The following TMCC1 variants were observed in gnomAD, a reference collection of about 807,000 sequenced individuals.
The protein encoded by TMCC1 is transmembrane and coiled-coil domains protein 1.
Under a neutral mutation model 52.4 loss-of-function variants are expected in TMCC1, and 15 were observed. The observed-to-expected ratio is 0.29, with a 90% CI of 0.19 to 0.44. TMCC1 has a LOEUF of 0.44. Among genes scored for constraint, TMCC1 ranks in the 20% least tolerant of loss-of-function variants. The pLI, the probability that TMCC1 is intolerant of heterozygous loss-of-function variation, is 1.00. For missense variants in TMCC1, 503 were observed against 806.0 expected, an observed-to-expected ratio of 0.62 and a Z score of 4.55; for synonymous variants, 279 against 301.9, an observed-to-expected ratio of 0.92 and a Z score of 0.79.
intron 4 of TMCC1, among the ~76,000 whole-genome samples, chr3:129,745,901 T>C (rs1349924115): frequency 6.7e-6 from 1 of 149,586 alleles, no homozygotes; most frequent in Non-Finnish European, 1.5e-5. Context: ...GGCAACACAG[T>C]GAGACTCTCC....
chr3:129,736,319 T>C (rs536254979), intron 4 of TMCC1, among the ~76,000 whole-genome samples: 1 of 152,344 alleles, frequency 6.6e-6, no homozygotes, highest in African/African-American at 2.4e-5. Context: ...CCTGCCAGAA[T>C]GCTACACTGT....
At chr3:129,840,803 G>A (rs1273572191) in intron 2 of TMCC1, among the ~76,000 whole-genome samples, 1 of 152,204 alleles carries the variant, frequency 6.6e-6, no homozygotes, top group African/African-American at 2.4e-5. Flanking sequence ...GTGGGGCTGA[G>A]AGTCAAATTA....
chr3:129,833,364 A>C (rs2059008413), intron 2 of TMCC1, among the ~76,000 whole-genome samples: 1 of 152,034 alleles, frequency 6.6e-6, no homozygotes, highest in Non-Finnish European at 1.5e-5. Flanking sequence ...TGAGCCCAGG[A>C]ATTTGAGATC....
rs2061405882 is a variant in TMCC1 at position 129,880,352 on chromosome 3, G to A, written c.-227C>T. ...ATAGCTTCCCTTTCTTTGCATAGGT[G>A]AGGATGAACAGTTGTAATCCAAAAG... On this transcript the variant is annotated 5_prime_UTR_variant, in exon 2 of 7. Coordinates refer to ENST00000393238, the MANE Select transcript of TMCC1 (RefSeq NM_001017395.5). 6.6e-6 allele frequency: 1 copy of A among 152,156 alleles called. No individual in the cohort carries two copies. The highest frequency in any genetic ancestry group is 2.4e-5 in the African/African-American group (1 of 41,440). The allele number at this position is 152,156 out of a possible 1,614,324, so 9.4% of individuals were successfully genotyped here.
At chr3:129,730,283 A>G (rs2050437752) in intron 4 of TMCC1, among the ~76,000 whole-genome samples, 2 of 152,118 alleles carry the variant, frequency 1.3e-5, no homozygotes, top group Admixed American at 1.3e-4. Context: ...TGTTGTTCTA[A>G]AAGTTTCATA....
intron 3 of TMCC1, among the ~76,000 whole-genome samples, chr3:129,832,076 C>T (rs1385792161): frequency 1.3e-5 from 2 of 151,994 alleles, no homozygotes; most frequent in Non-Finnish European, 2.9e-5. Flanking sequence ...AGGCTGGTCT[C>T]GAACTCCTGA....
intron 4 of TMCC1, among the ~76,000 whole-genome samples, chr3:129,770,202 G>C (rs530124657): frequency 2.6e-4 from 40 of 152,176 alleles, no homozygotes; most frequent in African/African-American, 9.6e-4. Flanking sequence ...CTAACTATAC[G>C]TATTTATTGA....
intron 1 of TMCC1, chr3:129,893,152 G>C (rs1007851354): frequency 6.6e-6 from 1 of 152,246 alleles, no homozygotes; most frequent in East Asian, 1.9e-4. Flanking sequence ...CTCGGGCCTC[G>C]GCCCGACTTC....
chr3:129,702,322 A>G (rs1004783380), intron 4 of TMCC1, among the ~76,000 whole-genome samples: 6 of 152,010 alleles, frequency 3.9e-5, no homozygotes, highest in African/African-American at 1.4e-4. Context: ...TATGAGAAAG[A>G]AAAAAAGAAT....
chr3:129,823,513 G>C (rs1469001273), intron 4 of TMCC1, among the ~76,000 whole-genome samples: 1 of 152,020 alleles, frequency 6.6e-6, no homozygotes, highest in Admixed American at 6.6e-5. Flanking sequence ...AGGATCATAG[G>C]CTATGATAAC....
In TMCC1 at chr3:129,650,001, C is replaced by T. The variant is rs966499113; in HGVS notation, c.*1480G>A. 6.6e-6 allele frequency: 1 copy of T among 152,498 alleles called. No individual in the cohort carries two copies. Among genetic ancestry groups the T allele is most frequent in the Non-Finnish European group, 1.5e-5 (1 of 68,018 alleles). The allele number at this position is 152,498 out of a possible 1,614,324, so 9.4% of individuals were successfully genotyped here. A position where few individuals can be genotyped will look rare whatever the true frequency, so the allele number is the denominator to read the frequency against. On this transcript the variant is annotated 3_prime_UTR_variant, in exon 7 of 7. Coordinates refer to ENST00000393238, the MANE Select transcript of TMCC1 (RefSeq NM_001017395.5). Reference sequence around the variant, plus strand: ...ATAGGAAGCTGGCAACATTTCACACCCAAAACTTGGGTCCTGCTAACCTGA... The same window carrying T: ...ATAGGAAGCTGGCAACATTTCACACTCAAAACTTGGGTCCTGCTAACCTGA...
At chr3:129,757,315 T>C (rs1180954016) in intron 4 of TMCC1, among the ~76,000 whole-genome samples, 3 of 152,268 alleles carry the variant, frequency 2.0e-5, no homozygotes, top group South Asian at 2.1e-4. Context: ...TTGAGCTCCC[T>C]GCCACCTCCA....
chr3:129,860,687 C>T lies in TMCC1; in HGVS notation c.-184+19622G>A, dbSNP rs183046115. On this transcript the variant is annotated intron_variant, in intron 2 of 6. Coordinates refer to ENST00000393238, the MANE Select transcript of TMCC1 (RefSeq NM_001017395.5). Reference sequence around the variant, plus strand: ...CGATCTCAGCTCACTGCTACCTCTGCCTCCCCTGTTCAAAGGATTCTCCTG... The same window carrying T: ...CGATCTCAGCTCACTGCTACCTCTGTCTCCCCTGTTCAAAGGATTCTCCTG... Among the ~76,000 whole-genome samples, 9 of 151,984 alleles carry T rather than the reference C, an allele frequency of 5.9e-5. No individual in the cohort carries two copies. In the East Asian group the frequency reaches 1.4e-3, roughly 23 times the overall value.
chr3:129,775,138 G>A (rs934329165), intron 4 of TMCC1, among the ~76,000 whole-genome samples: 19 of 152,054 alleles, frequency 1.2e-4, no homozygotes, highest in Non-Finnish European at 1.3e-4. Flanking sequence ...GGCTTGGTGG[G>A]GGTGTATGCA....
intron 2 of TMCC1, among the ~76,000 whole-genome samples, chr3:129,860,758 C>T (rs2060353757): frequency 6.6e-6 from 1 of 152,076 alleles, no homozygotes; most frequent in African/African-American, 2.4e-5. Flanking sequence ...CGCCACCACA[C>T]CCAGCTAATT....
intron 4 of TMCC1, among the ~76,000 whole-genome samples, chr3:129,824,529 G>A (rs758728308): frequency 2.4e-4 from 37 of 152,144 alleles, no homozygotes; most frequent in Non-Finnish European, 5.0e-4. Context: ...TGGGGCCAAT[G>A]AATACATATT....
intron 2 of TMCC1, among the ~76,000 whole-genome samples, chr3:129,845,966 A>G (rs2059647936): frequency 6.6e-6 from 1 of 152,054 alleles, no homozygotes; most frequent in African/African-American, 2.4e-5. Context: ...CTGGAGAGGT[A>G]CAGGCTGCAG....
At chr3:129,870,846 G>A (rs917490942) in intron 2 of TMCC1, among the ~76,000 whole-genome samples, 2 of 148,286 alleles carry the variant, frequency 1.3e-5, no homozygotes, top group Non-Finnish European at 3.0e-5. Context: ...GATTATCCCT[G>A]TCCTTTTAAA....
At chr3:129,853,693 T>A (rs2060016710) in intron 2 of TMCC1, among the ~76,000 whole-genome samples, 1 of 150,874 alleles carries the variant, frequency 6.6e-6, no homozygotes, top group Non-Finnish European at 1.5e-5. Flanking sequence ...AGAGGATATA[T>A]CTAAATCTAA....
Sources: gnomAD v4.1 joint callset for allele counts (sites outside exome capture counted in the v4.1 genomes callset) on GRCh38, gnomAD v4.1.1 for gene constraint, MANE v1.5 for transcripts, NCBI Gene and HGNC (gene_info 2026-07-23, HGNC 2026-07-21) for gene names.